Variants in PLCB2 observed in about 807,000 individuals in gnomAD.
PLCB2 encodes phospholipase C beta 2, also known as 1-phosphatidylinositol 4,5-bisphosphate phosphodiesterase beta-2.
In PLCB2, 115 loss-of-function variants were observed where a neutral mutation model predicts 141.7. That is an observed-to-expected ratio of 0.81 (90% confidence interval 0.70 to 0.95). The LOEUF (loss-of-function observed/expected upper bound fraction) is 0.95. Among genes scored for constraint, PLCB2 ranks in the 40% least tolerant of loss-of-function variants. The probability of loss-of-function intolerance (pLI) is 0.00; values close to 1 mark genes in which losing one functional copy is unlikely to be tolerated. For synonymous variants in PLCB2, 603 were observed against 595.6 expected, an observed-to-expected ratio of 1.01 and a Z score of -0.18; for missense variants, 1,403 against 1,541.1, an observed-to-expected ratio of 0.91 and a Z score of 1.50.
Position 40,290,640 on chromosome 15 carries a change from G to T in PLCB2, c.3146C>A (p.Thr1049Lys), listed in dbSNP as rs200542440. ...GCCCTGGATCCGCTCCAGTCTCTTT[G>T]TCTCCAGCTTTTTCTTCATCTCTTT... ...DTKEMKKKLE[T>K]KRLERIQGMT... The change falls in exon 29 of 32, where the codon ACA becomes AAA. Residue 1049 changes from threonine (T) to lysine (K), a missense_variant. This residue lies in a region of PLCB2 where 290 missense variants were observed against 245.9 expected (regional missense o/e 1.18). Transcript: ENST00000260402. 6.2e-7 allele frequency: 1 copy of T among 1,614,096 alleles called. No homozygotes were observed. The highest frequency in any genetic ancestry group is 1.3e-5 in the African/African-American group (1 of 75,026).
intron 1 of PLCB2, among the ~76,000 whole-genome samples, chr15:40,304,401 G>A (rs1463793464): frequency 2.0e-5 from 3 of 152,092 alleles, no homozygotes; most frequent in Non-Finnish European, 4.4e-5. Flanking sequence ...CGAGAGCCAA[G>A]AGCCCAAACT....
chr15:40,291,818 C>T (rs755258109), intron 24 of PLCB2, 31 bp downstream of exon 24: 2 of 1,613,866 alleles, frequency 1.2e-6, no homozygotes, highest in Non-Finnish European at 1.7e-6. Flanking sequence ...GTGGAGGTGC[C>T]CCCAGTAGGT....
chr15:40,298,600 T>C lies in PLCB2; in HGVS notation c.959A>G (p.His320Arg). The C allele has an allele frequency of 6.2e-7, 1 of 1,614,176 alleles. No homozygotes were observed. The highest frequency in any genetic ancestry group is 2.2e-5 in the East Asian group (1 of 44,884). The change falls in exon 10 of 32, where the codon CAT (histidine) becomes CGT (arginine). Residue 320 changes from histidine to arginine, a missense_variant. His to Arg is a conservative substitution (Grantham distance 29). Coordinates refer to ENST00000260402, the MANE Select transcript of PLCB2 (RefSeq NM_004573.3). Reference protein sequence around the residue: ...LHHDMTQPLNHYFINSSHNTY... With the variant: ...LHHDMTQPLNRYFINSSHNTY... Reference sequence around the variant, plus strand: ...GTTGTGGGACGAGTTGATGAAGTAATGATTGAGTGGCTGCGTCATGTCGTG... The same window carrying C: ...GTTGTGGGACGAGTTGATGAAGTAACGATTGAGTGGCTGCGTCATGTCGTG...
intron 1 of PLCB2, 55 bp downstream of exon 1, chr15:40,307,534 C>T: frequency 1.7e-6 from 2 of 1,154,920 alleles, no homozygotes; most frequent in Non-Finnish European, 2.5e-6. Context: ...AGCCCCGTAG[C>T]AGCCCGGCCC....
Position 40,290,561 on chromosome 15 carries a change from C to A in PLCB2, c.3209+16G>T. On this transcript the variant is annotated intron_variant, in intron 29 of 31. Coordinates refer to ENST00000260402, the MANE Select transcript of PLCB2 (RefSeq NM_004573.3). ...GTGGGGTCTGCCCAGCCCTGGGCCT[C>A]CCCTCCAGGGCTCACCTCTCCTGGG... 1.7e-5 allele frequency: 27 copies of A among 1,593,244 alleles called. No individual in the cohort carries two copies. Among genetic ancestry groups the A allele is most frequent in the Non-Finnish European group, 2.3e-5 (27 of 1,161,020 alleles).
chr15:40,288,351 G>A lies in PLCB2; in HGVS notation c.*364C>T. On this transcript the variant is annotated 3_prime_UTR_variant, in exon 32 of 32. Transcript: ENST00000260402. ...TGAGTGGGTCCAACCCTCCAGGTGA[G>A]GAAACTGAGCCCAGAGCTGGTTGCT... 2.9e-6 allele frequency: 3 copies of A among 1,021,814 alleles called. No individual in the cohort carries two copies. Among genetic ancestry groups the A allele is most frequent in the African/African-American group, 1.7e-5 (1 of 58,746 alleles). 63.3% of individuals were successfully genotyped at this position (1,021,814 alleles called of 1,614,324 possible). A position where few individuals can be genotyped will look rare whatever the true frequency, so the allele number is the denominator to read the frequency against.
chr15:40,293,731 G>T lies in PLCB2; in HGVS notation c.2062-7C>A, dbSNP rs747437410. ...GGAACTGCCCAGAGATCACCTGGGG[G>T]TAGGGGCCCAGGAAAACCAGCATCA... On this transcript the variant is annotated splice_region_variant and splice_polypyrimidine_tract_variant and intron_variant, in intron 19 of 31. Transcript: ENST00000260402. 5.0e-6 allele frequency: 8 copies of T among 1,602,680 alleles called. No homozygotes were observed. In the African/African-American group the frequency reaches 5.3e-5, roughly 11 times the overall value.
Position 40,290,595 on chromosome 15 carries a change from T to C in PLCB2, c.3191A>G (p.Asp1064Gly). The C allele has an allele frequency of 6.2e-7, 1 of 1,613,926 alleles. No homozygotes were observed. Among genetic ancestry groups the C allele is most frequent in the African/African-American group, 1.3e-5 (1 of 75,056 alleles). ...RIQGMTKVTTDKMAQERLKRE... is the reference protein window; with the variant it reads ...RIQGMTKVTTGKMAQERLKRE... ...GGCTCACCTCTCCTGGGCCATCTTG[T>C]CTGTGGTGACTTTGGTCATGCCCTG... The change falls in exon 29 of 32, where the codon GAC becomes GGC. Residue 1064 changes from aspartate to glycine, a missense_variant. By Grantham distance (94) the Asp-to-Gly change is moderately conservative (BLOSUM62 -1). Coordinates refer to ENST00000260402, the MANE Select transcript of PLCB2 (RefSeq NM_004573.3).
intron 7 of PLCB2, chr15:40,301,555 C>G (rs1328402683): frequency 1.4e-6 from 1 of 702,900 alleles, no homozygotes; most frequent in African/African-American, 1.7e-5. Context: ...CTGCAGACTT[C>G]CAGATCCCTG....
Position 40,291,274 on chromosome 15 carries a change from C to T in PLCB2, c.2861G>A (p.Arg954His), listed in dbSNP as rs372712586. 4 of 1,568,556 alleles carry T rather than the reference C, an allele frequency of 2.6e-6. No homozygotes were observed. The highest frequency in any genetic ancestry group is 3.4e-6 in the Non-Finnish European group (4 of 1,165,954). The change falls in exon 26 of 32, where the codon CGC becomes CAC. Residue 954 changes from arginine (R) to histidine (H), a missense_variant. By Grantham distance (29) the Arg-to-His change is conservative. Transcript: ENST00000260402. ...CCGCCACGAGCCTTACCTCTTCTTG[C>T]GAGAGCCCTTGCCGGGACCGAGCTT... ...ACKLGPGKGS[R>H]KKRSLPREES...
In PLCB2 at chr15:40,288,380, T is replaced by C. The variant is rs532231581; in HGVS notation, c.*335A>G. 1.6e-5 allele frequency: 17 copies of C among 1,058,920 alleles called. No individual in the cohort carries two copies. In the South Asian group the frequency reaches 6.1e-4, roughly 38 times the overall value. The allele number at this position is 1,058,920 out of a possible 1,614,324, so 65.6% of individuals were successfully genotyped here. On this transcript the variant is annotated 3_prime_UTR_variant, in exon 32 of 32. Coordinates refer to ENST00000260402, the MANE Select transcript of PLCB2 (RefSeq NM_004573.3). The stretch of plus-strand genomic sequence containing the variant: ...ACTGAGCCCAGAGCTGGTTGCTCAA[T>C]AGGAAAGGCAGAGTGGGGCCAGGAT...
At position 40,288,023 on chromosome 15, in the gene PLCB2, T is replaced by A. The variant is rs976800392; in HGVS notation, c.*692A>T. 1.0e-6 allele frequency: 1 copy of A among 985,160 alleles called. No individual in the cohort carries two copies. The highest frequency in any genetic ancestry group is 1.1e-4 in the East Asian group (1 of 8,820). 61.0% of individuals were successfully genotyped at this position (985,160 alleles called of 1,614,324 possible). ...AGGCAGGCAGCCTGAGAGGGGTACA[T>A]GGTAGGAACTGCCTGCCCCCAGGCC... On this transcript the variant is annotated 3_prime_UTR_variant, in exon 32 of 32. Transcript: ENST00000260402.
intron 30 of PLCB2, 57 bp downstream of exon 30, chr15:40,289,968 A>AGAGAGAGAGAGAGAGAGTGT (rs1264563556): frequency 1.9e-6 from 1 of 518,594 alleles, no homozygotes; most frequent in African/African-American, 2.5e-5. Flanking sequence ...AGAGAGAGAG[A>AGAGAGAGAGAGAGAGAGTGT]GTGTGTGTGT....
At chr15:40,294,504 T>G in intron 18 of PLCB2, 84 bp from the exon 19 acceptor site, 1 of 1,464,772 alleles carries the variant, frequency 6.8e-7, no homozygotes, top group Non-Finnish European at 9.5e-7. Flanking sequence ...CAGCCTTTGC[T>G]GTCTGGTGAA....
At chr15:40,296,932 C>T in intron 13 of PLCB2, 24 bp from the exon 14 acceptor site, 1 of 1,612,410 alleles carries the variant, frequency 6.2e-7, no homozygotes, top group South Asian at 1.1e-5. Flanking sequence ...AGCAGGTCAG[C>T]ACCATCTTCT....
rs762618119 is a variant in PLCB2, at chr15:40,291,435, C to T, written c.2700G>A (p.Lys900=). The T allele has an allele frequency of 3.9e-6, 6 of 1,545,784 alleles. No individual in the cohort carries two copies. Among genetic ancestry groups the T allele is most frequent in the Non-Finnish European group, 5.2e-6 (6 of 1,151,024 alleles). ...EELRELKGVV[K]LQRRHEKELR... is the part of the protein sequence containing the mutation. ...GCTCCTTCTCGTGCCGCCGCTGCAG[C>T]TTCACCACGCCCTTTAGCTCCCGGA... The change falls in exon 26 of 32, where the codon AAG becomes AAA. Residue 900 remains lysine, a synonymous_variant. Coordinates refer to ENST00000260402, the MANE Select transcript of PLCB2 (RefSeq NM_004573.3).
intron 19 of PLCB2, among the ~76,000 whole-genome samples, chr15:40,293,937 G>C (rs2040062944): frequency 6.6e-6 from 1 of 152,176 alleles, no homozygotes; most frequent in Admixed American, 6.5e-5. Context: ...AAGGGAAGAG[G>C]TGGGCCTCCC....
chr15:40,285,041 G>T (rs762158901), downstream of PLCB2, among the ~76,000 whole-genome samples: 22 of 152,074 alleles, frequency 1.4e-4, no homozygotes, highest in Non-Finnish European at 3.1e-4. Context: ...CCTGGGGAAA[G>T]GTACTGGGCA....
Position 40,291,603 on chromosome 15 carries a change from T to C in PLCB2, c.2647+3A>G, listed in dbSNP as rs377090922. 1.2e-6 allele frequency: 2 copies of C among 1,613,302 alleles called. No individual in the cohort carries two copies. Among genetic ancestry groups the C allele is most frequent in the Non-Finnish European group, 1.7e-6 (2 of 1,179,858 alleles). On this transcript the variant is annotated splice_donor_region_variant and intron_variant, in intron 25 of 31. Coordinates refer to ENST00000260402, the MANE Select transcript of PLCB2 (RefSeq NM_004573.3). The stretch of plus-strand genomic sequence containing the variant: ...CGAGATCACCGGGCTCAGCAGGCCT[T>C]ACCCGCAGCTTCTTTCATAGCCTCT...
Sources: gnomAD v4.1 joint callset for allele counts (sites outside exome capture counted in the v4.1 genomes callset) on GRCh38, gnomAD v4.1.1 for gene constraint, gnomAD v4.1.1 regional missense constraint, MANE v1.5 for transcripts, NCBI Gene and HGNC (gene_info 2026-07-23, HGNC 2026-07-21) for gene names.